NCOA2: variants seen among roughly 807,000 people sequenced by gnomAD.
NCOA2 encodes class E basic helix-loop-helix protein 75.
NCOA2 carries 21 observed loss-of-function variants against 145.1 expected under a neutral mutation model. That is an observed-to-expected ratio of 0.14 (90% CI 0.10 to 0.21). The LOEUF (loss-of-function observed/expected upper bound fraction) is 0.21. Among genes scored for constraint, NCOA2 ranks in the 10% least tolerant of loss-of-function variants. The probability of loss-of-function intolerance (pLI) is 1.00; values close to 1 mark genes in which losing one functional copy is unlikely to be tolerated. For synonymous variants in NCOA2, 619 were observed against 637.5 expected (o/e 0.97, Z 0.44); for missense variants, 1,472 against 1,837.6 (o/e 0.80, Z 3.64).
the NCOA2 span, among the ~76,000 whole-genome samples, chr8:70,432,202 G>C: frequency 1.4e-5 from 2 of 144,482 alleles, no homozygotes; most frequent in Non-Finnish European, 1.5e-5. Context: ...CAATTTCCCT[G>C]ACAGTGAGGC....
intron 1 of NCOA2, chr8:70,357,390 C>T (rs1809801483): frequency 6.6e-6 from 1 of 152,024 alleles, no homozygotes; most frequent in Non-Finnish European, 1.5e-5. Flanking sequence ...CTGATCACAA[C>T]CATTTACAGA....
intron 1 of NCOA2, among the ~76,000 whole-genome samples, chr8:70,335,931 A>C (rs1029197806): frequency 6.6e-6 from 1 of 152,214 alleles, no homozygotes; most frequent in African/African-American, 2.4e-5. Context: ...GTCTCTAAAT[A>C]TATATAAACA....
chr8:70,264,960 CT>C (rs1295064388), intron 2 of NCOA2, among the ~76,000 whole-genome samples: 10 of 151,860 alleles, frequency 6.6e-5, no homozygotes, highest in African/African-American at 1.7e-4. Flanking sequence ...AAAGAGTAAA[CT>C]TTTTTTTAAA....
chr8:70,157,176 G>C lies in NCOA2; in HGVS notation c.1189C>G (p.Pro397Ala). 1 of 1,599,578 alleles carries C rather than the reference G, an allele frequency of 6.3e-7. No homozygotes were observed. Among genetic ancestry groups the C allele is most frequent in the Non-Finnish European group, 8.5e-7 (1 of 1,170,318 alleles). ...TGQTMGKPLNPISSNSPAHQA... is the reference protein window; with the variant it reads ...TGQTMGKPLNAISSNSPAHQA... ...TGGGCAGGGCTGTTAGAGCTAATTG[G>C]ATTCAGTGGCTTCCCCATCGTTTGT... is the stretch of plus-strand genomic sequence containing the variant. The change falls in exon 11 of 23, where the codon CCA becomes GCA. Residue 397 changes from proline (P) to alanine (A), a missense_variant. Pro to Ala is a conservative substitution (Grantham distance 27). Transcript: ENST00000452400.
chr8:70,204,269 A>G (rs1818218185), intron 4 of NCOA2, among the ~76,000 whole-genome samples: 2 of 152,136 alleles, frequency 1.3e-5, no homozygotes, highest in South Asian at 4.1e-4. Flanking sequence ...CAGCCTCCCA[A>G]AGTGCTGGGA....
At chr8:70,350,643 TAA>T (rs1809090979) in intron 1 of NCOA2, among the ~76,000 whole-genome samples, 1 of 152,214 alleles carries the variant, frequency 6.6e-6, no homozygotes, top group Non-Finnish European at 1.5e-5. Context: ...AAAGATTTTG[TAA>T]AGTTTACATA....
Position 70,121,401 on chromosome 8 carries a change from A to G in NCOA2, c.4294-10T>C. 2 of 1,604,998 alleles carry G rather than the reference A, an allele frequency of 1.2e-6. No homozygotes were observed. Among genetic ancestry groups the G allele is most frequent in the Non-Finnish European group, 1.7e-6 (2 of 1,173,736 alleles). ...GAGCAGGATCATTAACCTAAGGACA[A>G]GAAGACAGGACAGTGGCTACGCAGA... On this transcript the variant is annotated splice_polypyrimidine_tract_variant and intron_variant, in intron 21 of 22. Coordinates refer to ENST00000452400, the MANE Select transcript of NCOA2 (RefSeq NM_006540.4).
chr8:70,185,570 T>C (rs1256871602), intron 4 of NCOA2, among the ~76,000 whole-genome samples: 1 of 152,074 alleles, frequency 6.6e-6, no homozygotes, highest in Non-Finnish European at 1.5e-5. Context: ...GCAGGCTGCT[T>C]GTGGCCAGGG....
At chr8:70,152,886 AGTTT>A (rs977221048) in intron 11 of NCOA2, among the ~76,000 whole-genome samples, 1 of 152,220 alleles carries the variant, frequency 6.6e-6, no homozygotes, top group African/African-American at 2.4e-5. Context: ...ACTCATTAAT[AGTTT>A]GTTTTATCTC....
intron 9 of NCOA2, 72 bp from the exon 10 acceptor site, chr8:70,159,724 A>G (rs943397144): frequency 1.0e-5 from 14 of 1,343,948 alleles, no homozygotes; most frequent in South Asian, 7.0e-5. Context: ...ACAAGACATA[A>G]TAAGAGTAAT....
intron 2 of NCOA2, among the ~76,000 whole-genome samples, chr8:70,279,061 C>T (rs1035669475): frequency 2.0e-5 from 3 of 152,076 alleles, no homozygotes; most frequent in African/African-American, 7.2e-5. Context: ...AATGGCTTAC[C>T]AAGCAAAAGG....
chr8:70,150,673 C>T (rs1176595956), intron 11 of NCOA2, among the ~76,000 whole-genome samples: 1 of 152,218 alleles, frequency 6.6e-6, no homozygotes, highest in African/African-American at 2.4e-5. Context: ...GTAAAGTTGA[C>T]TCCACTGTAA....
At chr8:70,269,169 A>T (rs544420918) in intron 2 of NCOA2, among the ~76,000 whole-genome samples, 1 of 152,370 alleles carries the variant, frequency 6.6e-6, no homozygotes, top group East Asian at 1.9e-4. Flanking sequence ...ACCTACCAGT[A>T]CCATGGAAGT....
chr8:70,203,341 CGT>C (rs1427048943), intron 4 of NCOA2, among the ~76,000 whole-genome samples: 19 of 151,122 alleles, frequency 1.3e-4, no homozygotes, highest in African/African-American at 4.6e-4. Flanking sequence ...TCTGAAAATA[CGT>C]AAGTCTAAAG....
At chr8:70,153,750 T>C (rs1812006167) in intron 11 of NCOA2, among the ~76,000 whole-genome samples, 1 of 152,230 alleles carries the variant, frequency 6.6e-6, no homozygotes. Flanking sequence ...CATTTCACTT[T>C]ATTCAAGACA....
intron 2 of NCOA2, among the ~76,000 whole-genome samples, chr8:70,290,979 A>G (rs979992093): frequency 2.0e-5 from 3 of 152,212 alleles, no homozygotes; most frequent in Admixed American, 1.3e-4. Flanking sequence ...CAGCCTAGCT[A>G]AAAATCCTAC....
intron 1 of NCOA2, among the ~76,000 whole-genome samples, chr8:70,307,220 CAA>C (rs57161747): frequency 0.07 from 4,984 of 71,568 alleles, 172 homozygotes; most frequent in African/African-American, 0.21. Context: ...CCTACATAAG[CAA>C]AAAAAAAAAA....
At chr8:70,342,527 T>C (rs931321351) in intron 1 of NCOA2, among the ~76,000 whole-genome samples, 2 of 152,138 alleles carry the variant, frequency 1.3e-5, no homozygotes, top group African/African-American at 2.4e-5. Flanking sequence ...CTGCATTAAA[T>C]ACTTCAGCTT....
rs530532751 is a variant in NCOA2 at position 70,240,562 on chromosome 8, T to C, written c.-19-23798A>G. On this transcript the variant is annotated intron_variant, in intron 2 of 22. Coordinates refer to ENST00000452400, the MANE Select transcript of NCOA2 (RefSeq NM_006540.4). ...TTGAAAATGGCCCCCAAGCGTGATG[T>C]TGGAACGCTATAGAGGGTTCCGAAG... Among the ~76,000 whole-genome samples, 9 of 152,288 alleles carry C rather than the reference T, an allele frequency of 5.9e-5. No homozygotes were observed. The East Asian group carries it at 9.6e-4, about 16-fold the overall frequency.
Sources: gnomAD v4.1 joint callset for allele counts (sites outside exome capture counted in the v4.1 genomes callset) on GRCh38, gnomAD v4.1.1 for gene constraint, MANE v1.5 for transcripts, NCBI Gene and HGNC (gene_info 2026-07-23, HGNC 2026-07-21) for gene names.